The following RICTOR variants were observed in gnomAD, a reference collection of about 807,000 sequenced individuals.
The protein encoded by RICTOR is rapamycin-insensitive companion of mTOR.
In RICTOR, 49 loss-of-function variants were observed where a neutral mutation model predicts 214.9. The observed-to-expected ratio is 0.23, with a 90% confidence interval of 0.18 to 0.29. The LOEUF (loss-of-function observed/expected upper bound fraction) is 0.29, where lower values mean the gene tolerates loss of function less well. Among genes scored for constraint, RICTOR ranks in the 10% least tolerant of loss-of-function variants. The pLI, the probability that RICTOR is intolerant of heterozygous loss-of-function variation, is 1.00. For missense variants in RICTOR, 1,625 were observed against 2,047.0 expected (o/e 0.79, Z 3.98); for synonymous variants, 717 against 711.3 (o/e 1.01, Z -0.13).
Position 38,954,819 on chromosome 5 carries a change from T to A in RICTOR, c.2652A>T (p.Gly884=). The change falls in exon 27 of 38, where the codon GGA becomes GGT. Residue 884 remains glycine (G), a synonymous_variant. Coordinates refer to ENST00000357387, the MANE Select transcript of RICTOR (RefSeq NM_152756.5). Reference sequence around the variant, plus strand: ...AGCCTGTTTTATGGTGTACTAGTTGTCCATAAAGGTGTATAGGCAGGTAGA... The same window carrying A: ...AGCCTGTTTTATGGTGTACTAGTTGACCATAAAGGTGTATAGGCAGGTAGA... ...PHVYLPIHLY[G]QLVHHKTGCH... is the part of the protein sequence containing the mutation. 6.2e-7 allele frequency: 1 copy of A among 1,605,624 alleles called. No homozygotes were observed. Among genetic ancestry groups the A allele is most frequent in the Non-Finnish European group, 8.5e-7 (1 of 1,172,972 alleles).
chr5:38,968,896 G>A (rs572309743), intron 11 of RICTOR, among the ~76,000 whole-genome samples: 1 of 151,940 alleles, frequency 6.6e-6, no homozygotes, highest in South Asian at 2.1e-4. Context: ...GTATGGAGGT[G>A]GAAGACAGTG....
chr5:39,001,977 C>T (rs1753660419), intron 5 of RICTOR, among the ~76,000 whole-genome samples: 1 of 151,912 alleles, frequency 6.6e-6, no homozygotes, highest in Admixed American at 6.6e-5. Context: ...CCTTATAACC[C>T]AGAAATTCTA....
At chr5:38,949,571 G>C in intron 31 of RICTOR, 141 bp downstream of exon 31, 1 of 1,038,222 alleles carries the variant, frequency 9.6e-7, no homozygotes, top group Non-Finnish European at 1.4e-6. Context: ...CGGGTAACAA[G>C]GAGCTTATAG....
At chr5:38,986,800 G>A (rs902719506) in intron 7 of RICTOR, among the ~76,000 whole-genome samples, 6 of 152,080 alleles carry the variant, frequency 3.9e-5, no homozygotes, top group Admixed American at 6.6e-5. Flanking sequence ...GTCTTGTGCC[G>A]GTTTTCAAAG....
intron 3 of RICTOR, among the ~76,000 whole-genome samples, chr5:39,019,595 T>C (rs540467307): frequency 6.6e-6 from 1 of 152,318 alleles, no homozygotes; most frequent in Admixed American, 6.5e-5. Flanking sequence ...AAACAGTATT[T>C]GCTATTGCTC....
intron 2 of RICTOR, among the ~76,000 whole-genome samples, chr5:39,055,491 C>T (rs561554844): frequency 1.4e-5 from 2 of 138,170 alleles, no homozygotes; most frequent in African/African-American, 5.5e-5. Flanking sequence ...AAATTCTGCA[C>T]TCATGTGTTT....
intron 1 of RICTOR, 71 bp downstream of exon 1, chr5:39,074,258 G>A: frequency 6.3e-7 from 1 of 1,583,638 alleles, no homozygotes; most frequent in South Asian, 1.1e-5. Context: ...CCCAACCCAG[G>A]GCCAGGGGAA....
In RICTOR at chr5:39,016,381, G is replaced by A. The variant is rs541946549; in HGVS notation, c.195+4658C>T. Among the ~76,000 whole-genome samples the A allele has an allele frequency of 3.9e-5, 6 of 151,960 alleles. No individual in the cohort carries two copies. The South Asian group carries it at 1.3e-3, about 32-fold the overall frequency. On this transcript the variant is annotated intron_variant, in intron 3 of 37. Transcript: ENST00000357387. ...GAGGGAGGAAGAGAAAGGTGACAAG[G>A]AAGGGTGAAGAAAAGAGTGAGAAGA...
At chr5:38,990,716 A>ATGATATATATCATATC (rs1752641349) in intron 7 of RICTOR, among the ~76,000 whole-genome samples, 3 of 22,654 alleles carry the variant, frequency 1.3e-4, no homozygotes, top group African/African-American at 5.4e-4. Flanking sequence ...TATGATATAT[A>ATGATATATATCATATC]TGATATATAT....
intron 9 of RICTOR, 51 bp downstream of exon 9, chr5:38,978,532 G>A (rs985374403): frequency 6.9e-6 from 6 of 870,452 alleles, no homozygotes; most frequent in Non-Finnish European, 9.1e-6. Flanking sequence ...AAAAGCTTTA[G>A]TATTAACATA....
In RICTOR at chr5:38,941,145, C is replaced by G. The variant is rs914225079; in HGVS notation, c.*1159G>C. The G allele has an allele frequency of 4.3e-6, 1 of 232,698 alleles. No individual in the cohort carries two copies. The highest frequency in any genetic ancestry group is 8.5e-6 in the Non-Finnish European group (1 of 117,596). 14.4% of individuals were successfully genotyped at this position (232,698 alleles called of 1,614,324 possible). On this transcript the variant is annotated 3_prime_UTR_variant, in exon 38 of 38. Transcript: ENST00000357387. The stretch of plus-strand genomic sequence containing the variant: ...CAAATTAAACAAACAAAAACCTTGC[C>G]CTCATCAACTTAACTTCACAAATGG...
rs1580187336 is a variant in RICTOR at position 39,048,397 on chromosome 5, A to G, written c.97+25714T>C. On this transcript the variant is annotated intron_variant, in intron 2 of 37. Coordinates refer to ENST00000357387, the MANE Select transcript of RICTOR (RefSeq NM_152756.5). ...GGCTCACTGGACCTAAACTGTTTATACTAACAATATGTTTTACATGAAATA... is the reference window on the plus strand; with the variant it reads ...GGCTCACTGGACCTAAACTGTTTATGCTAACAATATGTTTTACATGAAATA... 2.0e-5 allele frequency among the ~76,000 whole-genome samples: 3 copies of G among 152,228 alleles called. No individual in the cohort carries two copies. In the East Asian group the frequency reaches 5.8e-4, roughly 29 times the overall value.
At chr5:38,995,949 A>G (rs2548798) in intron 6 of RICTOR, among the ~76,000 whole-genome samples, 5,285 of 152,274 alleles carry the variant, frequency 0.035, 156 homozygotes, top group South Asian at 0.081. Flanking sequence ...ACCTGTGAGT[A>G]CTATTACTAT....
Position 38,946,470 on chromosome 5 carries a change from C to T in RICTOR, c.4397G>A (p.Gly1466Glu). 1 of 1,594,432 alleles carries T rather than the reference C, an allele frequency of 6.3e-7. No individual in the cohort carries two copies. The highest frequency in any genetic ancestry group is 8.6e-7 in the Non-Finnish European group (1 of 1,162,166). The stretch of plus-strand genomic sequence containing the variant: ...AAGTACAATGCACAATGCATTACCT[C>T]CTGCATCATGGGCAAATGCTCTTGC... ...RGARAFAHDA[G>E]GLPSGTGGLV... is the part of the protein sequence containing the mutation. The change falls in exon 33 of 38, where the codon GGA (glycine) becomes GAA (glutamate). Residue 1466 changes from glycine to glutamate, a missense_variant and splice_region_variant. Physicochemically the swap from Gly to Glu is moderately conservative, Grantham distance 98. Around this residue, in one of 5 missense-constraint regions of RICTOR, gnomAD observed 1,214 missense variants for 1,470.5 expected, o/e 0.83. Transcript: ENST00000357387.
intron 7 of RICTOR, among the ~76,000 whole-genome samples, chr5:38,990,152 T>C (rs59984097): frequency 0.023 from 3,499 of 152,218 alleles, 135 homozygotes; most frequent in African/African-American, 0.08. Context: ...CATGGAATAC[T>C]ATGCAGCCAT....
chr5:38,944,802 T>C (rs924977283), intron 35 of RICTOR, 111 bp downstream of exon 35: 1 of 1,085,014 alleles, frequency 9.2e-7, no homozygotes, highest in Non-Finnish European at 1.4e-6. Context: ...AAAATGGACG[T>C]ATTACTGTTT....
intron 3 of RICTOR, 151 bp from the exon 4 acceptor site, chr5:39,003,773 G>C: frequency 4.3e-6 from 2 of 469,114 alleles, no homozygotes. Context: ...AGCTTTATTT[G>C]TATCATCTAT....
intron 32 of RICTOR, 113 bp downstream of exon 32, chr5:38,947,151 C>T: frequency 2.8e-6 from 2 of 724,356 alleles, no homozygotes; most frequent in Non-Finnish European, 4.7e-6. Context: ...TCTTAAAAAT[C>T]ATGCTGCCCC....
chr5:39,028,372 C>T (rs989740791), intron 2 of RICTOR, among the ~76,000 whole-genome samples: 17 of 151,400 alleles, frequency 1.1e-4, no homozygotes, highest in Non-Finnish European at 1.5e-4. Flanking sequence ...TTAGTAGAGA[C>T]GGGGTTTCAC....
Sources: allele counts gnomAD v4.1 joint callset (sites outside exome capture counted in the v4.1 genomes callset), GRCh38; gene constraint gnomAD v4.1.1; regional missense constraint gnomAD v4.1.1; transcripts MANE v1.5; gene names NCBI Gene and HGNC (gene_info 2026-07-23, HGNC 2026-07-21).